The following NEK11 variants were observed in gnomAD, a reference collection of about 807,000 sequenced individuals.
NEK11 encodes the protein serine/threonine-protein kinase Nek11.
NEK11 carries 72 observed loss-of-function variants against 80.7 expected under a neutral mutation model. The ratio of observed to expected loss-of-function variants is 0.89; its 90% CI spans 0.74 to 1.08. The LOEUF is 1.08. NEK11 is among the 50% of genes least tolerant of loss of function. The pLI, the probability that NEK11 is intolerant of heterozygous loss-of-function variation, is 0.00. For missense variants in NEK11, 764 were observed against 763.6 expected (o/e 1.00, Z -0.01); for synonymous variants, 251 against 260.7 (o/e 0.96, Z 0.36).
At chr3:131,196,074 AATG>A (rs2093998570) in intron 14 of NEK11, among the ~76,000 whole-genome samples, 2 of 151,734 alleles carry the variant, frequency 1.3e-5, no homozygotes, top group Admixed American at 6.6e-5. Flanking sequence ...GAATATGAAA[AATG>A]ATTATTAGTA....
At chr3:131,148,445 A>G (rs2088865677) in intron 7 of NEK11, among the ~76,000 whole-genome samples, 1 of 151,978 alleles carries the variant, frequency 6.6e-6, no homozygotes. Context: ...GGAAGAATTT[A>G]TCAGTAAAGC....
At chr3:131,331,661 CA>C (rs1328757561) in intron 17 of NEK11, among the ~76,000 whole-genome samples, 1 of 152,210 alleles carries the variant, frequency 6.6e-6, no homozygotes, top group African/African-American at 2.4e-5. Flanking sequence ...GCGAGCAAGG[CA>C]TTGCCTCACT....
chr3:131,280,749 C>T (rs56168314), intron 17 of NEK11, among the ~76,000 whole-genome samples: 26,421 of 152,170 alleles, frequency 0.17, 4,892 homozygotes, highest in African/African-American at 0.46. Context: ...TTGGATAATT[C>T]TGTATTCCAA....
At chr3:131,058,118 T>A (rs2148770205) in intron 3 of NEK11, among the ~76,000 whole-genome samples, 1 of 152,292 alleles carries the variant, frequency 6.6e-6, no homozygotes, top group African/African-American at 2.4e-5. Flanking sequence ...GCTAGCCAGT[T>A]TTCCCAGCAC....
Position 131,228,736 on chromosome 3 carries a change from A to C in NEK11, c.1560+48A>C, listed in dbSNP as rs767163335. On this transcript the variant is annotated intron_variant, in intron 15 of 17. Coordinates refer to ENST00000383366, the MANE Select transcript of NEK11 (RefSeq NM_024800.5). ...AGCCATGGAACTGTTCAAGGTACTG[A>C]TTGGACTCTCCCAGAGAAGAAAGGA... The C allele has an allele frequency of 7.7e-6, 12 of 1,548,712 alleles. No homozygotes were observed. In the East Asian group the frequency reaches 2.7e-4, roughly 35 times the overall value.
intron 7 of NEK11, among the ~76,000 whole-genome samples, chr3:131,134,872 G>C (rs1485583911): frequency 6.6e-6 from 1 of 152,122 alleles, no homozygotes; most frequent in African/African-American, 2.4e-5. Context: ...TCTAGTGTAA[G>C]CAATAGATCC....
At chr3:131,132,205 C>T (rs528896634) in intron 5 of NEK11, among the ~76,000 whole-genome samples, 6 of 151,626 alleles carry the variant, frequency 4.0e-5, no homozygotes, top group South Asian at 2.1e-4. Context: ...ATACTTTATT[C>T]GGCATTTTAG....
chr3:131,316,187 CTTT>C (rs1270598755), intron 17 of NEK11, among the ~76,000 whole-genome samples: 1 of 152,158 alleles, frequency 6.6e-6, no homozygotes, highest in Non-Finnish European at 1.5e-5. Flanking sequence ...TTAAACAGAA[CTTT>C]TTATTTCAAA....
intron 14 of NEK11, among the ~76,000 whole-genome samples, chr3:131,203,762 T>C (rs1316427811): frequency 5.3e-5 from 2 of 37,658 alleles, no homozygotes; most frequent in African/African-American, 2.1e-4. Flanking sequence ...TGTGTGTGTG[T>C]GTGTGTATAT....
At chr3:131,123,604 G>C (rs2082765505) in intron 5 of NEK11, among the ~76,000 whole-genome samples, 1 of 152,034 alleles carries the variant, frequency 6.6e-6, no homozygotes, top group Non-Finnish European at 1.5e-5. Context: ...TATTCTTAAA[G>C]TATCTACTGA....
intron 5 of NEK11, among the ~76,000 whole-genome samples, chr3:131,117,488 T>G (rs1340298459): frequency 1.3e-5 from 2 of 151,300 alleles, no homozygotes; most frequent in Admixed American, 6.6e-5. Flanking sequence ...TGAACTTTAG[T>G]TTTTTTTTCC....
At chr3:131,079,170 A>G (rs918371612) in intron 3 of NEK11, among the ~76,000 whole-genome samples, 1 of 152,216 alleles carries the variant, frequency 6.6e-6, no homozygotes, top group African/African-American at 2.4e-5. Flanking sequence ...AATGATGAGC[A>G]TAACTGGCAT....
At chr3:131,130,905 G>A (rs545564107) in intron 5 of NEK11, among the ~76,000 whole-genome samples, 66 of 152,234 alleles carry the variant, frequency 4.3e-4, no homozygotes, top group African/African-American at 1.5e-3. Context: ...GGGTTCAAGC[G>A]ATTCTCCTGC....
chr3:131,174,740 G>C, intron 14 of NEK11: 4 of 1,601,188 alleles, frequency 2.5e-6, no homozygotes, highest in Non-Finnish European at 3.4e-6. Flanking sequence ...TTGTACTCTA[G>C]CATTTGTTTT....
chr3:131,038,293 GCTT>G (rs985251861), intron 3 of NEK11, among the ~76,000 whole-genome samples: 52 of 152,278 alleles, frequency 3.4e-4, no homozygotes, highest in African/African-American at 1.2e-3. Context: ...AAGCCTCTGA[GCTT>G]CTGGCCATCT....
At chr3:131,293,086 T>C (rs1169761062) in intron 17 of NEK11, among the ~76,000 whole-genome samples, 2 of 152,184 alleles carry the variant, frequency 1.3e-5, no homozygotes, top group Non-Finnish European at 2.9e-5. Flanking sequence ...ATTTCCTTTT[T>C]TATCTTGTTG....
At chr3:131,086,631 C>A (rs1321348359) in intron 4 of NEK11, among the ~76,000 whole-genome samples, 1 of 152,118 alleles carries the variant, frequency 6.6e-6, no homozygotes, top group East Asian at 1.9e-4. Context: ...TTATTAATTC[C>A]ATTTTACAGA....
intron 4 of NEK11, among the ~76,000 whole-genome samples, chr3:131,106,390 C>T (rs1476717200): frequency 6.6e-6 from 1 of 150,712 alleles, no homozygotes; most frequent in Non-Finnish European, 1.5e-5. Context: ...TTGACTCTTG[C>T]TTTTAACAAT....
rs561381517 is a variant in NEK11 at position 131,206,739 on chromosome 3, A to C, written c.1400-21789A>C. On this transcript the variant is annotated intron_variant, in intron 14 of 17. Coordinates refer to ENST00000383366, the MANE Select transcript of NEK11 (RefSeq NM_024800.5). ...CAACGTGCAGGTTTGTTACATATGT[A>C]TACATGTGCCATGTTGGTGTGCTGC... is the stretch of plus-strand genomic sequence containing the variant. 2.6e-5 allele frequency among the ~76,000 whole-genome samples: 4 copies of C among 152,328 alleles called. No individual in the cohort carries two copies. The South Asian group carries it at 8.3e-4, about 32-fold the overall frequency.
Sources: allele counts gnomAD v4.1 joint callset (sites outside exome capture counted in the v4.1 genomes callset), GRCh38; gene constraint gnomAD v4.1.1; transcripts MANE v1.5; gene names NCBI Gene and HGNC (gene_info 2026-07-23, HGNC 2026-07-21).